ZNF493: variants seen among roughly 807,000 people sequenced by gnomAD.
ZNF493 encodes the protein zinc finger protein 493.
ZNF493 carries 11 observed loss-of-function variants against 12.2 expected under a neutral mutation model. The ratio of observed to expected loss-of-function variants is 0.90; its 90% confidence interval spans 0.57 to 1.50. The LOEUF (loss-of-function observed/expected upper bound fraction) is 1.50, where lower values mean the gene tolerates loss of function less well. Ranked by LOEUF, ZNF493 falls within the 40% of genes most tolerant of loss-of-function variation. ZNF493 has a pLI of 0.00. For missense variants in ZNF493, 950 were observed against 906.6 expected, an observed-to-expected ratio of 1.05 and a Z score of -0.61; for synonymous variants, 286 against 302.6, an observed-to-expected ratio of 0.95 and a Z score of 0.57.
intron 1 of ZNF493, among the ~76,000 whole-genome samples, chr19:21,401,749 T>C (rs1655703230): frequency 6.6e-6 from 1 of 150,958 alleles, no homozygotes; most frequent in South Asian, 2.1e-4. Context: ...TTCAGCCACC[T>C]GAGTAGCTGG....
At chr19:21,408,674 G>C in intron 3 of ZNF493, 1 of 984,978 alleles carries the variant, frequency 1.0e-6, no homozygotes, top group Non-Finnish European at 1.2e-6. Context: ...TTCAGTGTAG[G>C]TATCTTAATA....
In ZNF493 at chr19:21,425,387, A is replaced by G; in HGVS notation, c.*403A>G. ...AGGAATGTCTCAAAGCTTTTTACTG[A>G]TTCTTATACCTTACTAAACATAAAA... On this transcript the variant is annotated 3_prime_UTR_variant, in exon 4 of 4. Transcript: ENST00000392288. The G allele has an allele frequency of 2.4e-6, 1 of 413,830 alleles. No homozygotes were observed. Among genetic ancestry groups the G allele is most frequent in the Non-Finnish European group, 4.8e-6 (1 of 210,384 alleles). 25.6% of individuals were successfully genotyped at this position (413,830 alleles called of 1,614,324 possible).
rs756579938 is a variant in ZNF493, at chr19:21,424,658, A to G, written c.1999A>G (p.Ser667Gly). 1.2e-6 allele frequency: 2 copies of G among 1,613,478 alleles called. No homozygotes were observed. Among genetic ancestry groups the G allele is most frequent in the South Asian group, 2.2e-5 (2 of 91,048 alleles). ...ATGTGAAGAATGTGGCAAAGCCTTT[A>G]GTATATTCTCAACCCTTACTAAACA... The part of the protein sequence containing the change: ...YKCEECGKAF[S>G]IFSTLTKHKI... The change falls in exon 4 of 4, where the codon AGT (serine) becomes GGT (glycine). Residue 667 changes from serine (S) to glycine (G), a missense_variant. Physicochemically the swap from Ser to Gly is moderately conservative, Grantham distance 56. Coordinates refer to ENST00000392288, the MANE Select transcript of ZNF493 (RefSeq NM_001076678.3).
intron 3 of ZNF493, chr19:21,413,702 G>A (rs1034866615): frequency 2.6e-6 from 1 of 390,674 alleles, no homozygotes; most frequent in Non-Finnish European, 4.4e-6. Flanking sequence ...AGGAACACAA[G>A]CATAATCTCT....
At chr19:21,406,980 C>A (rs1477560743) in intron 3 of ZNF493, among the ~76,000 whole-genome samples, 1 of 151,670 alleles carries the variant, frequency 6.6e-6, no homozygotes, top group Non-Finnish European at 1.5e-5. Context: ...TGATTTATAT[C>A]TTTTATTGTT....
intron 2 of ZNF493, 52 bp downstream of exon 2, chr19:21,405,307 C>G (rs777691475): frequency 1.3e-6 from 2 of 1,564,946 alleles, no homozygotes; most frequent in South Asian, 1.2e-5. Context: ...GTTTTCATTT[C>G]TCTGTTTTCA....
intron 3 of ZNF493, among the ~76,000 whole-genome samples, chr19:21,410,328 C>G (rs572545754): frequency 3.3e-5 from 5 of 152,062 alleles, no homozygotes; most frequent in African/African-American, 1.2e-4. Flanking sequence ...TTTCTACTAA[C>G]AATCAACATA....
intron 3 of ZNF493, among the ~76,000 whole-genome samples, chr19:21,419,319 C>T (rs577269887): frequency 7.1e-6 from 1 of 141,546 alleles, no homozygotes; most frequent in Non-Finnish European, 1.6e-5. Flanking sequence ...ACGAGATCTA[C>T]CACAGGGGCC....
rs2030778768 is a variant in ZNF493 at position 21,424,186 on chromosome 19, A to G, written c.1527A>G (p.Ile509Met). Residue 509 changes from isoleucine (I) to methionine (M), a missense_variant, in exon 4 of 4, where the codon ATA becomes ATG. Physicochemically the swap from Ile to Met is conservative, Grantham distance 10. Transcript: ENST00000392288. The part of the protein sequence containing the change: ...NQSSTLSIHK[I>M]IHTGEKPYKC... ...CTTCAACCCTTAGTATACATAAAAT[A>G]ATTCATACTGGAGAAAAACCCTACA... The G allele has an allele frequency of 6.2e-7, 1 of 1,613,528 alleles. No homozygotes were observed. The highest frequency in any genetic ancestry group is 1.1e-5 in the South Asian group (1 of 91,048).
At chr19:21,420,669 A>G (rs1378670255) in intron 3 of ZNF493, among the ~76,000 whole-genome samples, 2 of 93,234 alleles carry the variant, frequency 2.1e-5, no homozygotes, top group African/African-American at 4.2e-5. Flanking sequence ...AACTTTGACT[A>G]TATCACACAA....
rs771695340 is a variant in ZNF493, at chr19:21,424,764, C to T, written c.2105C>T (p.Thr702Met). The change falls in exon 4 of 4, where the codon ACG (threonine) becomes ATG (methionine). Residue 702 changes from threonine (T) to methionine (M), a missense_variant. Coordinates refer to ENST00000392288, the MANE Select transcript of ZNF493 (RefSeq NM_001076678.3). Reference sequence around the variant, plus strand: ...TTCTACCGATTCTCAAACCTTAATACGCATAAGATAATTCATACTGGAGAG... The same window carrying T: ...TTCTACCGATTCTCAAACCTTAATATGCATAAGATAATTCATACTGGAGAG... ...KTFYRFSNLNTHKIIHTGEKP... is the reference protein window; with the variant it reads ...KTFYRFSNLNMHKIIHTGEKP... 2.6e-5 allele frequency: 42 copies of T among 1,610,468 alleles called. No individual in the cohort carries two copies. Among genetic ancestry groups the T allele is most frequent in the Middle Eastern group, 1.7e-4 (1 of 6,026 alleles).
intron 3 of ZNF493, chr19:21,408,114 ATTTTTTTTTTTTTTT>A (rs56372601): frequency 2.4e-5 from 20 of 829,568 alleles, no homozygotes; most frequent in East Asian, 1.8e-4. Context: ...GTACTTCCCA[ATTTTTTTTTTTTTTT>A]TTTTTTTTTT....
rs1356333589 is a variant in ZNF493, at chr19:21,405,504, G to C, written c.157+249G>C. 6.0e-6 allele frequency: 8 copies of C among 1,334,138 alleles called. No homozygotes were observed. The East Asian group carries it at 2.3e-4, about 39-fold the overall frequency. The allele number at this position is 1,334,138 out of a possible 1,614,324, so 82.6% of individuals were successfully genotyped here. A position where few individuals can be genotyped will look rare whatever the true frequency, so the allele number is the denominator to read the frequency against. On this transcript the variant is annotated intron_variant, in intron 2 of 3. Coordinates refer to ENST00000392288, the MANE Select transcript of ZNF493 (RefSeq NM_001076678.3). ...CAGTAGTGGTAATTTCAGAAATTTA[G>C]TAGTATAAAATATTGTTGTCCATAT...
Position 21,425,970 on chromosome 19 carries a change from C to T in ZNF493, c.*986C>T, listed in dbSNP as rs1339338164. ...GAATGTGACAAAGCCTTTAACCAGTCCTCAATTTTTACTAAACATAAGAAA... is the reference window on the plus strand; with the variant it reads ...GAATGTGACAAAGCCTTTAACCAGTTCTCAATTTTTACTAAACATAAGAAA... On this transcript the variant is annotated 3_prime_UTR_variant, in exon 4 of 4. Transcript: ENST00000392288. 3.0e-6 allele frequency: 2 copies of T among 670,576 alleles called. No individual in the cohort carries two copies. Among genetic ancestry groups the T allele is most frequent in the Non-Finnish European group, 5.2e-6 (2 of 387,568 alleles). The allele number at this position is 670,576 out of a possible 1,614,324, so 41.5% of individuals were successfully genotyped here.
chr19:21,425,708 CA>C lies in ZNF493; in HGVS notation c.*727del. On this transcript the variant is annotated 3_prime_UTR_variant, in exon 4 of 4. Coordinates refer to ENST00000392288, the MANE Select transcript of ZNF493 (RefSeq NM_001076678.3). ...AACCCTACAAATGTGAAAAATGTGG[CA>C]AAGCTTTTAACCAATTTTCAAACCT... 1.4e-6 allele frequency: 1 copy of C among 723,950 alleles called. No individual in the cohort carries two copies. Among genetic ancestry groups the C allele is most frequent in the Admixed American group, 1.9e-5 (1 of 51,920 alleles). 44.8% of individuals were successfully genotyped at this position (723,950 alleles called of 1,614,324 possible).
chr19:21,422,502 C>A (rs939376413), intron 3 of ZNF493, among the ~76,000 whole-genome samples: 5 of 128,970 alleles, frequency 3.9e-5, no homozygotes, highest in Admixed American at 8.7e-5. Context: ...TCACTCTGTT[C>A]CCCAGGCTGT....
chr19:21,413,338 T>G (rs1255721923), intron 3 of ZNF493: 1 of 395,192 alleles, frequency 2.5e-6, no homozygotes, highest in African/African-American at 2.1e-5. Context: ...GATAGATAAA[T>G]ATGCCCAATA....
chr19:21,413,517 C>A, intron 3 of ZNF493: 1 of 402,528 alleles, frequency 2.5e-6, no homozygotes. Context: ...AGGTGGGTGG[C>A]TGTGTTCGAC....
intron 1 of ZNF493, among the ~76,000 whole-genome samples, chr19:21,400,779 T>C (rs2029915117): frequency 6.6e-6 from 1 of 152,204 alleles, no homozygotes; most frequent in South Asian, 2.1e-4. Flanking sequence ...GTAGTTGTTA[T>C]TGTACATCAG....
Sources: allele counts gnomAD v4.1 joint callset (sites outside exome capture counted in the v4.1 genomes callset), GRCh38; gene constraint gnomAD v4.1.1; transcripts MANE v1.5; gene names NCBI Gene and HGNC (gene_info 2026-07-23, HGNC 2026-07-21).